The following ARFGEF3 variants were observed in gnomAD, a reference collection of about 807,000 sequenced individuals.
ARFGEF3 encodes the protein brefeldin A-inhibited guanine nucleotide-exchange protein 3.
In ARFGEF3, 96 loss-of-function variants were observed where a neutral mutation model predicts 221.7. The ratio of observed to expected loss-of-function variants is 0.43; its 90% CI spans 0.37 to 0.51. ARFGEF3 has a LOEUF of 0.51. Among genes scored for constraint, ARFGEF3 ranks in the 20% least tolerant of loss-of-function variants. The pLI, the probability that ARFGEF3 is intolerant of heterozygous loss-of-function variation, is 0.00. For synonymous variants in ARFGEF3, 1,145 were observed against 1,126.8 expected (o/e 1.02, Z -0.32); for missense variants, 2,410 against 2,789.9 (o/e 0.86, Z 3.07).
chr6:138,214,423 A>T (rs1777795451), intron 4 of ARFGEF3, among the ~76,000 whole-genome samples: 1 of 152,238 alleles, frequency 6.6e-6, no homozygotes, highest in South Asian at 2.1e-4. Context: ...GATATGGTGG[A>T]CATCTTCAAA....
At chr6:138,333,691 C>T (rs1780266030) in intron 32 of ARFGEF3, among the ~76,000 whole-genome samples, 1 of 152,228 alleles carries the variant, frequency 6.6e-6, no homozygotes, top group South Asian at 2.1e-4. Context: ...ATCCGCCCAC[C>T]TCGGCCTTCC....
chr6:138,335,327 C>A, intron 33 of ARFGEF3, 139 bp downstream of exon 33: 1 of 823,566 alleles, frequency 1.2e-6, no homozygotes, highest in Non-Finnish European at 1.8e-6. Flanking sequence ...CCTCCAAAGT[C>A]AGAGGACTGC....
intron 2 of ARFGEF3, among the ~76,000 whole-genome samples, chr6:138,188,157 A>G (rs145635039): frequency 2.0e-5 from 3 of 152,252 alleles, no homozygotes; most frequent in Non-Finnish European, 4.4e-5. Flanking sequence ...GTGGGCACCC[A>G]TATGTGTACT....
rs927915238 is a variant in ARFGEF3, at chr6:138,317,121, T to C, written c.4346-130T>C. 3.3e-6 allele frequency: 3 copies of C among 915,240 alleles called. No individual in the cohort carries two copies. The African/African-American group carries it at 5.0e-5, about 15-fold the overall frequency. 56.7% of individuals were successfully genotyped at this position (915,240 alleles called of 1,614,324 possible). A position where few individuals can be genotyped will look rare whatever the true frequency, so the allele number is the denominator to read the frequency against. Reference sequence around the variant, plus strand: ...GTTCATGTCTATGGCCACTGAAGGCTAACAACACTGGGTGATGGCTCACGT... The same window carrying C: ...GTTCATGTCTATGGCCACTGAAGGCCAACAACACTGGGTGATGGCTCACGT... On this transcript the variant is annotated intron_variant, in intron 26 of 33. Transcript: ENST00000251691.
At chr6:138,238,697 G>A (rs544881814) in intron 6 of ARFGEF3, 66 bp downstream of exon 6, 2 of 1,537,548 alleles carry the variant, frequency 1.3e-6, no homozygotes, top group East Asian at 4.6e-5. Context: ...ATGCCCCGGG[G>A]CCCCCACTGC....
chr6:138,249,519 C>T (rs1259634903), intron 8 of ARFGEF3, among the ~76,000 whole-genome samples: 13 of 151,818 alleles, frequency 8.6e-5, no homozygotes, highest in African/African-American at 3.1e-4. Context: ...TTGGTAGAGG[C>T]GAGGTTTCAC....
At chr6:138,264,038 G>A (rs1778839669) in intron 12 of ARFGEF3, among the ~76,000 whole-genome samples, 1 of 152,158 alleles carries the variant, frequency 6.6e-6, no homozygotes, top group South Asian at 2.1e-4. Flanking sequence ...TCAGTTGCAC[G>A]CCAAGTCCTC....
At chr6:138,275,938 GA>G (rs2114612427) in intron 12 of ARFGEF3, among the ~76,000 whole-genome samples, 1 of 152,198 alleles carries the variant, frequency 6.6e-6, no homozygotes, top group Non-Finnish European at 1.5e-5. Context: ...TTTTATTAAA[GA>G]ATAATTTTAC....
At chr6:138,313,962 A>G (rs1370750774) in intron 26 of ARFGEF3, 23 bp downstream of exon 26, 6 of 1,610,848 alleles carry the variant, frequency 3.7e-6, no homozygotes, top group Non-Finnish European at 4.2e-6. Flanking sequence ...ATTGGACTAA[A>G]CTAGGTTATT....
At chr6:138,179,858 G>A (rs996042800) in intron 2 of ARFGEF3, among the ~76,000 whole-genome samples, 1 of 152,170 alleles carries the variant, frequency 6.6e-6, no homozygotes. Flanking sequence ...TGTTCAGGCT[G>A]GAGTGCAGGA....
intron 2 of ARFGEF3, among the ~76,000 whole-genome samples, chr6:138,187,573 G>T (rs9376329): frequency 0.096 from 14,657 of 152,230 alleles, 1,012 homozygotes; most frequent in East Asian, 0.37. Context: ...GGGTCCATGT[G>T]TGTGCCTGGG....
chr6:138,285,994 C>T lies in ARFGEF3; in HGVS notation c.2510C>T (p.Ser837Leu), dbSNP rs1390837312. The change falls in exon 15 of 34, where the codon TCG becomes TTG. Residue 837 changes from serine to leucine, a missense_variant. Physicochemically the swap from Ser to Leu is moderately radical, Grantham distance 145 (BLOSUM62 -2). This residue lies in a region of ARFGEF3 where 594 missense variants were observed against 734.3 expected (regional missense o/e 0.81). Transcript: ENST00000251691. ...GCCATTGGTGGCCAGCTGATGGCCT[C>T]GGCTGCTACAGAGTCTCCTTTCGCC... is the stretch of plus-strand genomic sequence containing the variant. ...SSAIGGQLMA[S>L]AATESPFAQS... is the part of the protein sequence containing the mutation. The T allele has an allele frequency of 8.1e-6, 13 of 1,611,084 alleles. No homozygotes were observed. Among genetic ancestry groups the T allele is most frequent in the South Asian group, 3.3e-5 (3 of 91,076 alleles).
intron 4 of ARFGEF3, among the ~76,000 whole-genome samples, chr6:138,222,041 C>T (rs1323161835): frequency 6.6e-6 from 1 of 152,130 alleles, no homozygotes; most frequent in African/African-American, 2.4e-5. Flanking sequence ...CTTGTTGTGA[C>T]CTCTAATCCA....
At chr6:138,300,689 A>T (rs1779613674) in intron 22 of ARFGEF3, among the ~76,000 whole-genome samples, 1 of 152,262 alleles carries the variant, frequency 6.6e-6, no homozygotes. Flanking sequence ...CCAACATAAT[A>T]AAAGACGGGG....
intron 8 of ARFGEF3, among the ~76,000 whole-genome samples, chr6:138,250,625 A>T (rs1778562470): frequency 6.6e-6 from 1 of 152,240 alleles, no homozygotes; most frequent in South Asian, 2.1e-4. Flanking sequence ...AGCTCCAGAG[A>T]TACAAAACGT....
chr6:138,163,785 G>C (rs1776666506), intron 1 of ARFGEF3, among the ~76,000 whole-genome samples: 2 of 152,154 alleles, frequency 1.3e-5, no homozygotes, highest in South Asian at 2.1e-4. Context: ...CCCAGTGATT[G>C]TTCTGTCATT....
At position 138,334,032 on chromosome 6, in the gene ARFGEF3, A is replaced by G; in HGVS notation, c.5186A>G (p.Tyr1729Cys). 6.2e-7 allele frequency: 1 copy of G among 1,613,892 alleles called. No homozygotes were observed. Among genetic ancestry groups the G allele is most frequent in the Non-Finnish European group, 8.5e-7 (1 of 1,179,838 alleles). The change falls in exon 33 of 34, where the codon TAT becomes TGT. Residue 1729 changes from tyrosine (Y) to cysteine (C), a missense_variant. This residue lies in a region of ARFGEF3 where 723 missense variants were observed against 991.9 expected (regional missense o/e 0.73). Transcript: ENST00000251691. The surrounding 1 kb of genome is among the most constrained non-coding windows in gnomAD (Gnocchi z 5.1). ...CATCAGGTGTTACTCCAGAACTTAT[A>G]TGACATCTTGTTAGAAGAGTTTGTC... ...LSHQVLLQNLYDILLEEFVKG... is the reference protein window; with the variant it reads ...LSHQVLLQNLCDILLEEFVKG...
At chr6:138,329,574 G>C (rs1780186454) in intron 32 of ARFGEF3, among the ~76,000 whole-genome samples, 1 of 152,200 alleles carries the variant, frequency 6.6e-6, no homozygotes, top group African/African-American at 2.4e-5. Context: ...TGAGGCAGGA[G>C]AATCGCTTGA....
chr6:138,282,857 TG>T (rs1371391716), intron 14 of ARFGEF3, among the ~76,000 whole-genome samples: 1 of 152,180 alleles, frequency 6.6e-6, no homozygotes, highest in African/African-American at 2.4e-5. Context: ...AAGACCAGCC[TG>T]GCCAACATGG....
Sources: gnomAD v4.1 joint callset for allele counts (sites outside exome capture counted in the v4.1 genomes callset) on GRCh38, gnomAD v4.1.1 for gene constraint, gnomAD v4.1.1 regional missense constraint, Gnocchi (gnomAD v3.1) non-coding constraint, MANE v1.5 for transcripts, NCBI Gene and HGNC (gene_info 2026-07-23, HGNC 2026-07-21) for gene names.